ZNF518A: variants seen among roughly 807,000 people sequenced by gnomAD.
ZNF518A encodes zinc finger protein 518A.
In ZNF518A, 47 loss-of-function variants were observed where a neutral mutation model predicts 102.7. The ratio of observed to expected loss-of-function variants is 0.46; its 90% CI spans 0.36 to 0.58. ZNF518A has a LOEUF of 0.58. Among genes scored for constraint, ZNF518A ranks in the 20% least tolerant of loss-of-function variants. ZNF518A has a pLI of 0.00. For missense variants in ZNF518A, 1,793 were observed against 1,699.8 expected (o/e 1.05, Z -0.96); for synonymous variants, 652 against 594.6 (o/e 1.10, Z -1.40).
chr10:96,200,947 T>C lies in ZNF518A; in HGVS notation n.36-2627T>C. ...CATGCTCTTTCCTGCAGTTTCCTGG[T>C]AACAATTTAGTGACATCAAGAGTTC... On this transcript the variant is annotated intron_variant and non_coding_transcript_variant, in intron 1 of 2. Transcript: ENST00000442635. This position sits in a 1 kb window ranked among gnomAD's most constrained non-coding sequence, Gnocchi z 4.3. 1.9e-6 allele frequency: 3 copies of C among 1,583,614 alleles called. No homozygotes were observed. The highest frequency in any genetic ancestry group is 2.6e-6 in the Non-Finnish European group (3 of 1,152,216).
intron 1 of ZNF518A, chr10:96,199,637 C>G (rs1364991571): frequency 2.4e-6 from 1 of 413,880 alleles, no homozygotes; most frequent in Non-Finnish European, 4.9e-6. Context: ...ATCCTTGTAT[C>G]TACACTTGTT....
intron 3 of ZNF518A, among the ~76,000 whole-genome samples, chr10:96,146,014 G>A (rs1167663008): frequency 1.3e-5 from 2 of 152,022 alleles, no homozygotes; most frequent in Non-Finnish European, 2.9e-5. Context: ...TATTCTTCTT[G>A]ACTTTTAACT....
At chr10:96,145,564 T>C (rs1446632303) in intron 3 of ZNF518A, among the ~76,000 whole-genome samples, 1 of 152,216 alleles carries the variant, frequency 6.6e-6, no homozygotes, top group Non-Finnish European at 1.5e-5. Context: ...CTCTTGAGTG[T>C]TTACCATTAA....
At position 96,203,556 on chromosome 10, in the gene ZNF518A, C is replaced by T. The variant is rs182233459; in HGVS notation, n.36-18C>T. 3.2e-3 allele frequency: 483 copies of T among 152,470 alleles called. 1 individual carries two copies. Among genetic ancestry groups the T allele is most frequent in the Non-Finnish European group, 5.4e-3 (369 of 68,338 alleles). 9.4% of individuals were successfully genotyped at this position (152,470 alleles called of 1,614,324 possible). ...TTACGTTCTGTGAGCCTGACTTATC[C>T]GATTCATATATTTTTAGGGTGATGT... On this transcript the variant is annotated intron_variant and non_coding_transcript_variant, in intron 1 of 2. Transcript: ENST00000442635.
At chr10:96,140,555 C>A (rs2081866375) in intron 3 of ZNF518A, among the ~76,000 whole-genome samples, 1 of 152,006 alleles carries the variant, frequency 6.6e-6, no homozygotes, top group South Asian at 2.1e-4. Context: ...AAAATAATTC[C>A]TTTTCTATAC....
intron 3 of ZNF518A, among the ~76,000 whole-genome samples, chr10:96,133,994 A>T (rs935930643): frequency 1.3e-5 from 2 of 152,198 alleles, no homozygotes; most frequent in African/African-American, 4.8e-5. Flanking sequence ...TCCTGAAGAG[A>T]TAAAGTAATT....
In ZNF518A at chr10:96,162,823, C is replaced by T. The variant is rs1394495604; in HGVS notation, c.*2049C>T. On this transcript the variant is annotated 3_prime_UTR_variant, in exon 6 of 6. Coordinates refer to ENST00000316045, the MANE Select transcript of ZNF518A (RefSeq NM_001330736.2). Reference sequence around the variant, plus strand: ...TTAAAGTGTATGTGTTTTTTCAATGCTAGTTAACTCTACAAGATAGATAAA... The same window carrying T: ...TTAAAGTGTATGTGTTTTTTCAATGTTAGTTAACTCTACAAGATAGATAAA... 6.0e-6 allele frequency: 1 copy of T among 166,708 alleles called. No homozygotes were observed. The highest frequency in any genetic ancestry group is 1.9e-4 in the East Asian group (1 of 5,204). 10.3% of individuals were successfully genotyped at this position (166,708 alleles called of 1,614,324 possible). A position where few individuals can be genotyped will look rare whatever the true frequency, so the allele number is the denominator to read the frequency against.
intron 3 of ZNF518A, among the ~76,000 whole-genome samples, 188 bp from the exon 4 acceptor site, chr10:96,155,138 G>C (rs996640109): frequency 6.6e-6 from 1 of 151,358 alleles, no homozygotes; most frequent in African/African-American, 2.5e-5. Flanking sequence ...TGAACCTTCA[G>C]TATTCAGATT....
rs2083004982 is a variant in ZNF518A at position 96,161,659 on chromosome 10, G to A, written c.*885G>A. ...TGGTTCCCATCCCTTTAAAAAGAGTGGAACATAGGAGCACTTCCAAGGGAG... is the reference window on the plus strand; with the variant it reads ...TGGTTCCCATCCCTTTAAAAAGAGTAGAACATAGGAGCACTTCCAAGGGAG... On this transcript the variant is annotated 3_prime_UTR_variant, in exon 6 of 6. Transcript: ENST00000316045. 4 of 166,952 alleles carry A rather than the reference G, an allele frequency of 2.4e-5. No homozygotes were observed. The highest frequency in any genetic ancestry group is 6.8e-3 in the Middle Eastern group (2 of 294). 10.3% of individuals were successfully genotyped at this position (166,952 alleles called of 1,614,324 possible). A position where few individuals can be genotyped will look rare whatever the true frequency, so the allele number is the denominator to read the frequency against.
At chr10:96,187,908 T>A (rs1466465987) in intron 1 of ZNF518A, among the ~76,000 whole-genome samples, 8 of 152,268 alleles carry the variant, frequency 5.3e-5, no homozygotes, top group Admixed American at 1.3e-4. Context: ...TGCAGTGGCA[T>A]GATCTTGGCT....
chr10:96,204,139 G>C (rs782545842), downstream of ZNF518A: 14 of 1,601,384 alleles, frequency 8.7e-6, no homozygotes, highest in Non-Finnish European at 1.2e-5. Flanking sequence ...ATATGAGTAA[G>C]TTTGACTTTT....
upstream of ZNF518A, among the ~76,000 whole-genome samples, chr10:96,130,275 C>T (rs1427562663): frequency 6.6e-6 from 1 of 152,224 alleles, no homozygotes; most frequent in Non-Finnish European, 1.5e-5. Context: ...TAAATAGTCC[C>T]GGCCATTCAG....
chr10:96,204,284 A>T, downstream of ZNF518A: 1 of 741,698 alleles, frequency 1.3e-6, no homozygotes. Context: ...GTTTTGAAAA[A>T]GGAGGAAATC....
chr10:96,150,911 CCTGA>C (rs1264847379), intron 3 of ZNF518A, among the ~76,000 whole-genome samples: 2 of 151,588 alleles, frequency 1.3e-5, no homozygotes, highest in African/African-American at 2.4e-5. Flanking sequence ...CACCACCATG[CCTGA>C]CTAATTTTTG....
At chr10:96,190,209 G>A (rs782075803) in intron 1 of ZNF518A, 6 of 769,684 alleles carry the variant, frequency 7.8e-6, no homozygotes, top group South Asian at 5.4e-5. Context: ...CATGTCCATC[G>A]AATCTTCCAT....
chr10:96,204,881 C>A (rs1456090056), downstream of ZNF518A: 3 of 417,392 alleles, frequency 7.2e-6, no homozygotes, highest in South Asian at 2.1e-5. Flanking sequence ...AGAGACTGAA[C>A]CCACGGGCCC....
In ZNF518A at chr10:96,132,613, C is replaced by G. The variant is rs1396579452; in HGVS notation, c.-425C>G. 11 of 151,096 alleles carry G rather than the reference C, an allele frequency of 7.3e-5. 1 individual carries two copies. The highest frequency in any genetic ancestry group is 7.3e-4 in the Admixed American group (11 of 15,132). 9.4% of individuals were successfully genotyped at this position (151,096 alleles called of 1,614,324 possible). ...ATCATCTCTTCTTTTGATCACTGTTCCTGATTGTGACATTGTGCAAGTGTT... is the reference window on the plus strand; with the variant it reads ...ATCATCTCTTCTTTTGATCACTGTTGCTGATTGTGACATTGTGCAAGTGTT... On this transcript the variant is annotated 5_prime_UTR_variant, in exon 2 of 6. Coordinates refer to ENST00000316045, the MANE Select transcript of ZNF518A (RefSeq NM_001330736.2).
In ZNF518A at chr10:96,163,485, C is replaced by A. The variant is rs1184722711; in HGVS notation, c.*2711C>A. ...CATCTCCACTGAAATGGGTTTCTTA[C>A]TATTTGGCAAGTACTTAAAAAACAT... On this transcript the variant is annotated 3_prime_UTR_variant, in exon 6 of 6. Coordinates refer to ENST00000316045, the MANE Select transcript of ZNF518A (RefSeq NM_001330736.2). 1.2e-5 allele frequency: 2 copies of A among 166,910 alleles called. No homozygotes were observed. Among genetic ancestry groups the A allele is most frequent in the Non-Finnish European group, 2.9e-5 (2 of 68,078 alleles). 10.3% of individuals were successfully genotyped at this position (166,910 alleles called of 1,614,324 possible). A position where few individuals can be genotyped will look rare whatever the true frequency, so the allele number is the denominator to read the frequency against.
chr10:96,139,209 C>T (rs1224577412), intron 3 of ZNF518A, among the ~76,000 whole-genome samples: 1 of 152,020 alleles, frequency 6.6e-6, no homozygotes. Flanking sequence ...GAAAAAGACC[C>T]AAGACCAGAT....
Sources: gnomAD v4.1 joint callset for allele counts (sites outside exome capture counted in the v4.1 genomes callset) on GRCh38, gnomAD v4.1.1 for gene constraint, Gnocchi (gnomAD v3.1) non-coding constraint, MANE v1.5 for transcripts, NCBI Gene and HGNC (gene_info 2026-07-23, HGNC 2026-07-21) for gene names.